The following USH2A variants were observed in gnomAD, a reference collection of about 807,000 sequenced individuals.
USH2A encodes the protein Usher syndrome 2A (autosomal recessive, mild).
In USH2A, 443 loss-of-function variants were observed where a neutral mutation model predicts 538.9. That is an observed-to-expected ratio of 0.82 (90% CI 0.76 to 0.89). The LOEUF is 0.89. Ranked by LOEUF, USH2A falls within the 40% of genes least tolerant of loss-of-function variation. USH2A has a pLI of 0.00. For missense variants in USH2A, 6,633 were observed against 6,324.8 expected, an observed-to-expected ratio of 1.05 and a Z score of -1.65; for synonymous variants, 2,413 against 2,273.5, an observed-to-expected ratio of 1.06 and a Z score of -1.75.
At chr1:216,356,884 C>A (rs896201058) in intron 4 of USH2A, among the ~76,000 whole-genome samples, 3 of 152,058 alleles carry the variant, frequency 2.0e-5, no homozygotes, top group African/African-American at 7.2e-5. Context: ...TGATAGTTTG[C>A]CAGGTTACCC....
chr1:215,888,470 C>T lies in USH2A; in HGVS notation c.8179G>A (p.Val2727Met). The stretch of plus-strand genomic sequence containing the variant: ...AGCACTGTCACCACAGGTGGCTGCA[C>T]CCCAGCAGGTCGTGAGGGTCTTGTG... ...VTTRPSRPAG[V>M]QPPVVTVLEP... The change falls in exon 41 of 72, where the codon GTG becomes ATG. Residue 2727 changes from valine to methionine, a missense_variant. Coordinates refer to ENST00000307340, the MANE Select transcript of USH2A (RefSeq NM_206933.4). 4 of 1,613,824 alleles carry T rather than the reference C, an allele frequency of 2.5e-6. No homozygotes were observed. The East Asian group carries it at 8.9e-5, about 36-fold the overall frequency.
intron 5 of USH2A, 99 bp downstream of exon 5, chr1:216,327,492 A>G: frequency 1.4e-6 from 2 of 1,418,938 alleles, no homozygotes; most frequent in East Asian, 2.4e-5. Flanking sequence ...CAAATGGTAT[A>G]AAGATAAAAA....
chr1:215,657,014 G>A (rs1657275865), intron 64 of USH2A, among the ~76,000 whole-genome samples: 1 of 152,188 alleles, frequency 6.6e-6, no homozygotes, highest in Non-Finnish European at 1.5e-5. Context: ...ATTCCCATGA[G>A]GGGGACAAAT....
At chr1:215,996,309 G>T (rs1409742310) in intron 34 of USH2A, among the ~76,000 whole-genome samples, 1 of 152,124 alleles carries the variant, frequency 6.6e-6, no homozygotes, top group Admixed American at 6.5e-5. Context: ...AAAGAAAAAG[G>T]CCACTTGATC....
At chr1:216,024,264 T>C (rs1668911915) in intron 32 of USH2A, among the ~76,000 whole-genome samples, 1 of 152,100 alleles carries the variant, frequency 6.6e-6, no homozygotes, top group Non-Finnish European at 1.5e-5. Context: ...AGTGAATCAC[T>C]GGAGCTTTAG....
At chr1:216,015,477 C>G (rs917449522) in intron 32 of USH2A, among the ~76,000 whole-genome samples, 9 of 152,276 alleles carry the variant, frequency 5.9e-5, no homozygotes, top group Middle Eastern at 3.4e-3. Context: ...CTCATAGGAG[C>G]CTTAACCTTG....
At chr1:215,925,545 G>T (rs1049068239) in intron 38 of USH2A, among the ~76,000 whole-genome samples, 1 of 152,138 alleles carries the variant, frequency 6.6e-6, no homozygotes, top group Non-Finnish European at 1.5e-5. Context: ...TTATGTGGTA[G>T]AATGTTGTCG....
chr1:216,010,535 C>A (rs986959104), intron 32 of USH2A, among the ~76,000 whole-genome samples: 1 of 151,826 alleles, frequency 6.6e-6, no homozygotes, highest in Non-Finnish European at 1.5e-5. Flanking sequence ...TTAGGTAACT[C>A]TCACAGTGGA....
chr1:215,885,306 C>T (rs1018045252), intron 41 of USH2A, among the ~76,000 whole-genome samples: 5 of 151,670 alleles, frequency 3.3e-5, no homozygotes, highest in African/African-American at 9.7e-5. Flanking sequence ...GTTGAACCAT[C>T]CTTACATTTT....
rs370364142 is a variant in USH2A, at chr1:215,671,032, G to A, written c.14073C>T (p.Asn4691=). The A allele has an allele frequency of 6.3e-5, 102 of 1,614,108 alleles. 1 individual carries two copies. The highest frequency in any genetic ancestry group is 6.0e-4 in the South Asian group (55 of 91,090). ...AATCTATAAAAGATGTTGAGCTTCC[G>A]TTATAGATTAGGACTGGATTGGATT... ...PRKSNPVLIY[N]GSSTSFIDSE... is the part of the protein sequence containing the mutation. Residue 4691 remains asparagine (N), a synonymous_variant, in exon 64 of 72, where the codon AAC becomes AAT. Transcript: ENST00000307340.
chr1:216,156,277 T>G (rs1007844854), intron 21 of USH2A, among the ~76,000 whole-genome samples: 3 of 133,496 alleles, frequency 2.2e-5, no homozygotes, highest in Admixed American at 8.6e-5. Flanking sequence ...TTTTTCTTTC[T>G]TTCTTTCTTT....
At chr1:215,841,955 T>C (rs1663689094) in intron 46 of USH2A, among the ~76,000 whole-genome samples, 5 of 152,164 alleles carry the variant, frequency 3.3e-5, no homozygotes, top group Admixed American at 3.3e-4. Flanking sequence ...ATATTTATAT[T>C]AAAAAGAGGT....
At chr1:215,844,119 CAT>C (rs1454431972) in intron 46 of USH2A, among the ~76,000 whole-genome samples, 173 bp downstream of exon 46, 2 of 152,172 alleles carry the variant, frequency 1.3e-5, no homozygotes, top group Non-Finnish European at 2.9e-5. Flanking sequence ...CAGAGACTCA[CAT>C]GTTTGCCTAC....
At position 215,647,586 on chromosome 1, in the gene USH2A, C is replaced by T; in HGVS notation, c.14727G>A (p.Val4909=). 1 of 1,614,144 alleles carries T rather than the reference C, an allele frequency of 6.2e-7. No individual in the cohort carries two copies. Among genetic ancestry groups the T allele is most frequent in the Non-Finnish European group, 8.5e-7 (1 of 1,180,014 alleles). ...LQPYTTYKLR[V]VAHNEVGSTA... ...TACTGCCCACCTCGTTGTGTGCCAC[C>T]ACTCTCAGCTTGTATGTGGTGTAGG... The change falls in exon 67 of 72, where the codon GTG becomes GTA. Residue 4909 remains valine, a synonymous_variant. Coordinates refer to ENST00000307340, the MANE Select transcript of USH2A (RefSeq NM_206933.4).
intron 61 of USH2A, among the ~76,000 whole-genome samples, 182 bp from the exon 62 acceptor site, chr1:215,680,558 G>A (rs4375237): frequency 2.6e-5 from 4 of 151,650 alleles, no homozygotes; most frequent in Non-Finnish European, 4.4e-5. Flanking sequence ...TGTTGACACC[G>A]TGAATATATT....
chr1:215,897,356 C>T (rs189063757), intron 40 of USH2A, among the ~76,000 whole-genome samples: 263 of 152,246 alleles, frequency 1.7e-3, no homozygotes, highest in African/African-American at 6.1e-3. Flanking sequence ...TTCTCTGTTT[C>T]GTTCTGTAAG....
intron 21 of USH2A, among the ~76,000 whole-genome samples, chr1:216,120,219 CAAA>C (rs10525093): frequency 2.0e-3 from 204 of 99,918 alleles, no homozygotes; most frequent in African/African-American, 7.5e-3. Flanking sequence ...TACTAAATAG[CAAA>C]AAAAAAAAAA....
At chr1:216,356,582 A>G (rs1447215758) in intron 4 of USH2A, among the ~76,000 whole-genome samples, 4 of 152,204 alleles carry the variant, frequency 2.6e-5, no homozygotes, top group Non-Finnish European at 4.4e-5. Flanking sequence ...TTTGTACTAT[A>G]CAATCTTGTT....
At chr1:215,714,420 G>C (rs1659425079) in intron 61 of USH2A, among the ~76,000 whole-genome samples, 1 of 152,124 alleles carries the variant, frequency 6.6e-6, no homozygotes, top group South Asian at 2.1e-4. Flanking sequence ...GAGCTTTCCA[G>C]GCAGAAGATG....
Sources: gnomAD v4.1 joint callset for allele counts (sites outside exome capture counted in the v4.1 genomes callset) on GRCh38, gnomAD v4.1.1 for gene constraint, MANE v1.5 for transcripts, NCBI Gene and HGNC (gene_info 2026-07-23, HGNC 2026-07-21) for gene names.